Variants in ZNF804B observed in about 807,000 individuals in gnomAD.
ZNF804B encodes zinc finger 804B.
A neutral mutation model predicts 101.4 loss-of-function variants in ZNF804B; 80 were observed. The observed-to-expected ratio is 0.79, with a 90% CI of 0.66 to 0.95. The LOEUF (loss-of-function observed/expected upper bound fraction) is 0.95. ZNF804B is among the 40% of genes least tolerant of loss of function. ZNF804B has a pLI of 0.00. For synonymous variants in ZNF804B, 622 were observed against 558.8 expected (o/e 1.11, Z -1.59); for missense variants, 1,673 against 1,561.9 (o/e 1.07, Z -1.20).
At chr7:88,859,613 A>T (rs754334450) in intron 1 of ZNF804B, among the ~76,000 whole-genome samples, 1 of 152,026 alleles carries the variant, frequency 6.6e-6, no homozygotes, top group Non-Finnish European at 1.5e-5. Flanking sequence ...TTGATCTGAC[A>T]ACTTAAATCT....
chr7:89,295,601 A>C (rs1310638035), intron 2 of ZNF804B, among the ~76,000 whole-genome samples: 1 of 152,064 alleles, frequency 6.6e-6, no homozygotes, highest in African/African-American at 2.4e-5. Context: ...ATATTTTATA[A>C]ATTATACTTT....
chr7:88,778,318 C>T (rs1350292628), intron 1 of ZNF804B, among the ~76,000 whole-genome samples: 1 of 152,092 alleles, frequency 6.6e-6, no homozygotes, highest in African/African-American at 2.4e-5. Context: ...ACTCATGGTT[C>T]GATCGGGCCC....
chr7:89,220,434 T>C (rs1006719718), intron 2 of ZNF804B, among the ~76,000 whole-genome samples: 1 of 151,784 alleles, frequency 6.6e-6, no homozygotes, highest in African/African-American at 2.4e-5. Flanking sequence ...GCAATCTATA[T>C]TTTAAAATGA....
chr7:89,231,629 TGTA>T (rs1227156010), intron 2 of ZNF804B, among the ~76,000 whole-genome samples: 1 of 152,054 alleles, frequency 6.6e-6, no homozygotes, highest in African/African-American at 2.4e-5. Context: ...AGAAATCTTG[TGTA>T]GTTTTTATTT....
chr7:89,222,888 A>G (rs1447899344), intron 2 of ZNF804B, among the ~76,000 whole-genome samples: 1 of 151,960 alleles, frequency 6.6e-6, no homozygotes, highest in African/African-American at 2.4e-5. Context: ...TAAATTTGCT[A>G]TAAACTTTGT....
chr7:89,248,537 C>G (rs73399120), intron 2 of ZNF804B, among the ~76,000 whole-genome samples: 1 of 150,740 alleles, frequency 6.6e-6, no homozygotes, highest in Non-Finnish European at 1.5e-5. Flanking sequence ...TCCTCCCAAA[C>G]TAAGCTTCTT....
chr7:88,965,478 AG>A (rs1404018351), intron 1 of ZNF804B, among the ~76,000 whole-genome samples: 1 of 151,460 alleles, frequency 6.6e-6, no homozygotes, highest in Non-Finnish European at 1.5e-5. Context: ...TAACCTTGAA[AG>A]GGTGACAATC....
chr7:89,281,959 T>A (rs1451622806), intron 2 of ZNF804B, among the ~76,000 whole-genome samples: 1 of 152,076 alleles, frequency 6.6e-6, no homozygotes, highest in Non-Finnish European at 1.5e-5. Flanking sequence ...TGTAACCTTT[T>A]GGGAGGCCGA....
chr7:88,776,262 A>G (rs1790137883), intron 1 of ZNF804B, among the ~76,000 whole-genome samples: 1 of 152,222 alleles, frequency 6.6e-6, no homozygotes, highest in African/African-American at 2.4e-5. Context: ...GACTCCTTAA[A>G]ATGTTCTCAG....
In ZNF804B at chr7:88,987,730, C is replaced by T. The variant is rs545037845; in HGVS notation, c.108+227646C>T. ...CTGGGTAATTGGGATATCCATCACC[C>T]AAAGCATTTATCATTTATTTGGGTT... is the stretch of plus-strand genomic sequence containing the variant. On this transcript the variant is annotated intron_variant, in intron 1 of 3. Transcript: ENST00000333190. 5.3e-5 allele frequency among the ~76,000 whole-genome samples: 8 copies of T among 152,044 alleles called. No individual in the cohort carries two copies. The East Asian group carries it at 1.4e-3, about 26-fold the overall frequency.
chr7:89,132,176 AC>A (rs1790563073), intron 1 of ZNF804B, among the ~76,000 whole-genome samples: 1 of 75,758 alleles, frequency 1.3e-5, no homozygotes, highest in Non-Finnish European at 3.2e-5. Flanking sequence ...ACATACACAC[AC>A]ACACACACAC....
chr7:89,254,291 C>T (rs184767559), intron 2 of ZNF804B, among the ~76,000 whole-genome samples: 14 of 151,270 alleles, frequency 9.3e-5, no homozygotes, highest in Admixed American at 2.6e-4. Flanking sequence ...AGAAGAAAAC[C>T]GCATTTTTAG....
intron 1 of ZNF804B, among the ~76,000 whole-genome samples, chr7:88,858,029 G>T (rs1791597520): frequency 6.6e-6 from 1 of 151,662 alleles, no homozygotes; most frequent in Non-Finnish European, 1.5e-5. Flanking sequence ...TGCCATGTTG[G>T]CTATGCTGGT....
intron 1 of ZNF804B, among the ~76,000 whole-genome samples, chr7:88,995,436 A>G (rs889024531): frequency 5.9e-5 from 9 of 152,054 alleles, no homozygotes; most frequent in South Asian, 2.1e-4. Flanking sequence ...TAGAAATTCC[A>G]ACAAAAATGA....
chr7:89,189,374 A>T (rs1195859887), intron 1 of ZNF804B, among the ~76,000 whole-genome samples: 1 of 152,156 alleles, frequency 6.6e-6, no homozygotes, highest in Non-Finnish European at 1.5e-5. Flanking sequence ...AGAAGAAGCC[A>T]AGGCACAAAA....
intron 1 of ZNF804B, among the ~76,000 whole-genome samples, chr7:88,791,186 C>G (rs1790377466): frequency 6.6e-6 from 1 of 151,936 alleles, no homozygotes; most frequent in African/African-American, 2.4e-5. Flanking sequence ...AATATTTAAG[C>G]TCCCTTTGAT....
intron 1 of ZNF804B, among the ~76,000 whole-genome samples, chr7:88,875,941 A>G (rs1457381073): frequency 1.3e-5 from 2 of 152,204 alleles, no homozygotes; most frequent in Non-Finnish European, 2.9e-5. Flanking sequence ...ATCCAGCAGC[A>G]CATCAAAAAG....
At chr7:89,289,892 C>A (rs1199315654) in intron 2 of ZNF804B, among the ~76,000 whole-genome samples, 1 of 152,172 alleles carries the variant, frequency 6.6e-6, no homozygotes, top group Admixed American at 6.5e-5. Flanking sequence ...GCTAAGAAAG[C>A]ATTTGCACCA....
chr7:89,107,479 T>C (rs907730879), intron 1 of ZNF804B, among the ~76,000 whole-genome samples: 3 of 152,176 alleles, frequency 2.0e-5, no homozygotes, highest in African/African-American at 7.2e-5. Context: ...TCTATGGGGA[T>C]ACTCTTAGTG....
Sources: allele counts gnomAD v4.1 joint callset (sites outside exome capture counted in the v4.1 genomes callset), GRCh38; gene constraint gnomAD v4.1.1; transcripts MANE v1.5; gene names NCBI Gene and HGNC (gene_info 2026-07-23, HGNC 2026-07-21).